Variants in ITFG1 observed in about 807,000 individuals in gnomAD.
The protein encoded by ITFG1 is T-cell immunomodulatory protein.
ITFG1 carries 34 observed loss-of-function variants against 81.8 expected under a neutral mutation model. That is an observed-to-expected ratio of 0.42 (90% CI 0.32 to 0.55). The LOEUF is 0.55. Among genes scored for constraint, ITFG1 ranks in the 20% least tolerant of loss-of-function variants. The pLI is 0.17. For missense variants in ITFG1, 672 were observed against 755.4 expected, an observed-to-expected ratio of 0.89 and a Z score of 1.29; for synonymous variants, 285 against 270.6, an observed-to-expected ratio of 1.05 and a Z score of -0.52.
At chr16:47,192,829 C>T (rs779300108) in intron 14 of ITFG1, among the ~76,000 whole-genome samples, 27 of 152,202 alleles carry the variant, frequency 1.8e-4, no homozygotes, top group Non-Finnish European at 2.8e-4. Context: ...ATTTTCCCCT[C>T]AGCTTTTGAC....
chr16:47,158,206 G>A (rs1332492283), intron 17 of ITFG1, among the ~76,000 whole-genome samples: 3 of 152,012 alleles, frequency 2.0e-5, no homozygotes, highest in Non-Finnish European at 4.4e-5. Context: ...GTGATTCTCC[G>A]ACCTCAGCCT....
intron 6 of ITFG1, among the ~76,000 whole-genome samples, chr16:47,416,431 A>G (rs1968876194): frequency 6.6e-6 from 1 of 152,228 alleles, no homozygotes; most frequent in African/African-American, 2.4e-5. Context: ...TCTTTATATT[A>G]AGAATTTCAG....
intron 13 of ITFG1, among the ~76,000 whole-genome samples, chr16:47,231,316 C>T (rs770444701): frequency 7.2e-5 from 11 of 152,122 alleles, no homozygotes; most frequent in Non-Finnish European, 1.3e-4. Context: ...CAGAGAAAAA[C>T]GCCATTATTT....
intron 10 of ITFG1, among the ~76,000 whole-genome samples, chr16:47,266,480 AG>A (rs1966277719): frequency 6.6e-6 from 1 of 152,220 alleles, no homozygotes; most frequent in Non-Finnish European, 1.5e-5. Flanking sequence ...GGCCTCCCAA[AG>A]AACTGGAATT....
At chr16:47,217,015 T>G (rs898729964) in intron 14 of ITFG1, among the ~76,000 whole-genome samples, 3 of 152,184 alleles carry the variant, frequency 2.0e-5, no homozygotes, top group African/African-American at 7.2e-5. Flanking sequence ...TATTGTTGTA[T>G]TATAGTAAAA....
chr16:47,156,541 C>A (rs188387913), intron 17 of ITFG1, among the ~76,000 whole-genome samples: 84 of 152,214 alleles, frequency 5.5e-4, no homozygotes, highest in African/African-American at 1.9e-3. Context: ...TTAAAAAAAC[C>A]TCCGTTTTGT....
chr16:47,350,205 A>G (rs1247704520), intron 8 of ITFG1, among the ~76,000 whole-genome samples: 1 of 152,216 alleles, frequency 6.6e-6, no homozygotes, highest in Non-Finnish European at 1.5e-5. Context: ...GCAAGAAATA[A>G]CTAAGATCAG....
intron 16 of ITFG1, among the ~76,000 whole-genome samples, chr16:47,159,294 T>A (rs1292148445): frequency 6.6e-6 from 1 of 152,190 alleles, no homozygotes; most frequent in Non-Finnish European, 1.5e-5. Flanking sequence ...TAGGTAAACA[T>A]ATCCAAGGGT....
intron 13 of ITFG1, among the ~76,000 whole-genome samples, chr16:47,224,627 A>G (rs1276321124): frequency 6.6e-6 from 1 of 152,232 alleles, no homozygotes; most frequent in African/African-American, 2.4e-5. Context: ...TCTGGAGTTG[A>G]CGTATAGTTA....
chr16:47,221,068 C>T (rs901574559), intron 13 of ITFG1, among the ~76,000 whole-genome samples: 2 of 152,096 alleles, frequency 1.3e-5, no homozygotes, highest in Non-Finnish European at 2.9e-5. Context: ...AAGAGCCTAC[C>T]AGGTACTGGA....
intron 5 of ITFG1, among the ~76,000 whole-genome samples, chr16:47,446,931 C>T (rs1039529373): frequency 4.6e-5 from 7 of 151,528 alleles, no homozygotes; most frequent in African/African-American, 7.3e-5. Context: ...GGTGCAATCA[C>T]GGCTCACTGC....
intron 14 of ITFG1, among the ~76,000 whole-genome samples, chr16:47,216,642 T>C (rs975124858): frequency 8.6e-5 from 13 of 151,948 alleles, no homozygotes; most frequent in Admixed American, 7.9e-4. Context: ...GAAGTGAGAA[T>C]TATTTTATTA....
At chr16:47,458,678 C>A (rs1283043674) in intron 2 of ITFG1, among the ~76,000 whole-genome samples, 1 of 151,880 alleles carries the variant, frequency 6.6e-6, no homozygotes, top group Non-Finnish European at 1.5e-5. Flanking sequence ...AAAAACTCAC[C>A]ATCAGTCAAT....
chr16:47,224,761 T>G (rs1367589220), intron 13 of ITFG1, among the ~76,000 whole-genome samples: 1 of 152,174 alleles, frequency 6.6e-6, no homozygotes, highest in Non-Finnish European at 1.5e-5. Context: ...TTAGATTTAC[T>G]AGGCAAAGAC....
intron 6 of ITFG1, among the ~76,000 whole-genome samples, chr16:47,379,902 T>C (rs1217365553): frequency 6.6e-6 from 1 of 152,002 alleles, no homozygotes; most frequent in African/African-American, 2.4e-5. Flanking sequence ...TTGAGAAATA[T>C]GAGGCAAACA....
At chr16:47,326,683 GACAA>G (rs1205263925) in intron 8 of ITFG1, among the ~76,000 whole-genome samples, 6 of 152,276 alleles carry the variant, frequency 3.9e-5, no homozygotes, top group East Asian at 1.9e-4. Context: ...ACCAAAAACA[GACAA>G]ACAGAGAGTC....
chr16:47,299,677 C>G (rs767849380), intron 10 of ITFG1: 3 of 152,226 alleles, frequency 2.0e-5, no homozygotes, highest in Non-Finnish European at 4.4e-5. Context: ...GTAGTGAGAC[C>G]TGCCTTGCTC....
intron 14 of ITFG1, among the ~76,000 whole-genome samples, chr16:47,172,293 AG>A (rs1964972114): frequency 6.6e-6 from 1 of 152,164 alleles, no homozygotes; most frequent in African/African-American, 2.4e-5. Context: ...GAGACCAGCC[AG>A]GCCAACACGG....
intron 10 of ITFG1, among the ~76,000 whole-genome samples, chr16:47,267,670 C>T (rs187564129): frequency 6.6e-6 from 1 of 152,158 alleles, no homozygotes; most frequent in East Asian, 1.9e-4. Flanking sequence ...TGAAACAAGT[C>T]TCAATAAATA....
Sources: allele counts gnomAD v4.1 joint callset (sites outside exome capture counted in the v4.1 genomes callset), GRCh38; gene constraint gnomAD v4.1.1; transcripts MANE v1.5; gene names NCBI Gene and HGNC (gene_info 2026-07-23, HGNC 2026-07-21).